The following KLHDC4 variants were observed in gnomAD, a reference collection of about 807,000 sequenced individuals.
The protein encoded by KLHDC4 is kelch domain-containing protein 4.
Under a neutral mutation model 62.4 loss-of-function variants are expected in KLHDC4, and 90 were observed. The ratio of observed to expected loss-of-function variants is 1.44; its 90% confidence interval spans 1.22 to 1.72. The LOEUF (loss-of-function observed/expected upper bound fraction) is 1.72. Ranked by LOEUF, KLHDC4 falls within the 40% of genes most tolerant of loss-of-function variation. The pLI is 0.00. For missense variants in KLHDC4, 1,025 were observed against 699.7 expected (o/e 1.47, Z -5.25); for synonymous variants, 386 against 284.4 (o/e 1.36, Z -3.59).
At chr16:87,727,588 C>A (rs2039596070) in intron 6 of KLHDC4, among the ~76,000 whole-genome samples, 1 of 152,190 alleles carries the variant, frequency 6.6e-6, no homozygotes. Flanking sequence ...CCTGCCGGAC[C>A]CAGCACGCAG....
At chr16:87,709,820 G>T in intron 9 of KLHDC4, 153 bp from the exon 10 acceptor site, 1 of 870,886 alleles carries the variant, frequency 1.1e-6, no homozygotes, top group Non-Finnish European at 1.7e-6. Flanking sequence ...ACTGCCCTGG[G>T]TGCAGGCACT....
intron 5 of KLHDC4, among the ~76,000 whole-genome samples, chr16:87,735,262 T>C (rs1421232158): frequency 3.5e-5 from 5 of 144,146 alleles, no homozygotes; most frequent in South Asian, 2.2e-4. Context: ...ATCGCACCAC[T>C]GCACTCCAGC....
At chr16:87,754,224 T>A (rs2044497364) in intron 4 of KLHDC4, among the ~76,000 whole-genome samples, 1 of 152,118 alleles carries the variant, frequency 6.6e-6, no homozygotes, top group Admixed American at 6.6e-5. Context: ...GGGGTGCCTG[T>A]AATCCCAGTT....
At chr16:87,713,749 G>A (rs768387936) in intron 8 of KLHDC4, among the ~76,000 whole-genome samples, 1 of 152,200 alleles carries the variant, frequency 6.6e-6, no homozygotes, top group African/African-American at 2.4e-5. Flanking sequence ...GGCCCTCTGG[G>A]TGCCAGAGCC....
At chr16:87,755,587 G>C (rs1597376641) in intron 3 of KLHDC4, 1 of 252,756 alleles carries the variant, frequency 4.0e-6, no homozygotes, top group South Asian at 4.6e-5. Context: ...TGTTTTGTTT[G>C]AGATGAAGTC....
chr16:87,726,783 A>G lies in KLHDC4; in HGVS notation c.741T>C (p.Tyr247=), dbSNP rs1331343889. The G allele has an allele frequency of 1.3e-6, 2 of 1,487,962 alleles. No homozygotes were observed. The highest frequency in any genetic ancestry group is 1.8e-6 in the Non-Finnish European group (2 of 1,113,010). 92.2% of individuals were successfully genotyped at this position (1,487,962 alleles called of 1,614,324 possible). ...GCCTTACCTGTTTCGAGTAGCCCCCATAGACGACGATGCCGCCCTGGGGAG... is the reference window on the plus strand; with the variant it reads ...GCCTTACCTGTTTCGAGTAGCCCCCGTAGACGACGATGCCGCCCTGGGGAG... ...SVTPQGGIVV[Y]GGYSKQRVKK... is the part of the protein sequence containing the mutation. The change falls in exon 7 of 12, where the codon TAT becomes TAC. Residue 247 remains tyrosine (Y), a synonymous_variant. Coordinates refer to ENST00000270583, the MANE Select transcript of KLHDC4 (RefSeq NM_017566.4).
intron 5 of KLHDC4, among the ~76,000 whole-genome samples, chr16:87,742,448 C>A (rs1354019969): frequency 2.0e-5 from 3 of 152,208 alleles, no homozygotes; most frequent in Non-Finnish European, 4.4e-5. Flanking sequence ...ATTCTTACTT[C>A]TTTTAAGCAG....
intron 5 of KLHDC4, among the ~76,000 whole-genome samples, chr16:87,733,365 G>A (rs1025839326): frequency 2.6e-5 from 4 of 152,236 alleles, no homozygotes; most frequent in African/African-American, 4.8e-5. Context: ...CAGAAAGCTC[G>A]CAGAGGTGCT....
At chr16:87,702,769 T>A (rs2034210218), upstream of KLHDC4, among the ~76,000 whole-genome samples, 1 of 152,228 alleles carries the variant, frequency 6.6e-6, no homozygotes, top group African/African-American at 2.4e-5. Flanking sequence ...TTAACCTGTG[T>A]TTCCTTCCAA....
intron 7 of KLHDC4, among the ~76,000 whole-genome samples, chr16:87,725,058 A>G (rs2039099288): frequency 6.6e-6 from 1 of 150,894 alleles, no homozygotes; most frequent in Non-Finnish European, 1.5e-5. Flanking sequence ...GTGGGTCTGA[A>G]AAGCTGAGGG....
chr16:87,752,089 CAAAA>C (rs1173625123), intron 4 of KLHDC4, among the ~76,000 whole-genome samples: 7 of 29,468 alleles, frequency 2.4e-4, no homozygotes, highest in African/African-American at 5.1e-4. Context: ...GACTTTGTCT[CAAAA>C]AAAAAAAAAA....
rs887572408 is a variant in KLHDC4 at position 87,765,694 on chromosome 16, G to A, written c.99+98C>T. The A allele has an allele frequency of 4.2e-5, 50 of 1,193,024 alleles. No homozygotes were observed. In the African/African-American group the frequency reaches 7.3e-4, roughly 17 times the overall value. 73.9% of individuals were successfully genotyped at this position (1,193,024 alleles called of 1,614,324 possible). ...CCAGCTCTCCCGCAGGGCCGGCGCGGCTCCCACGGCCGACCCGTAACCCCG... is the reference window on the plus strand; with the variant it reads ...CCAGCTCTCCCGCAGGGCCGGCGCGACTCCCACGGCCGACCCGTAACCCCG... On this transcript the variant is annotated intron_variant, in intron 1 of 11. Coordinates refer to ENST00000270583, the MANE Select transcript of KLHDC4 (RefSeq NM_017566.4).
Position 87,709,470 on chromosome 16 carries a change from C to G in KLHDC4, c.1242G>C (p.Glu414Asp), listed in dbSNP as rs1597375053. 1 of 1,611,658 alleles carries G rather than the reference C, an allele frequency of 6.2e-7. No individual in the cohort carries two copies. The highest frequency in any genetic ancestry group is 2.2e-5 in the East Asian group (1 of 44,876). The change falls in exon 10 of 12, where the codon GAG (glutamate) becomes GAC (aspartate). Residue 414 changes from glutamate to aspartate, a missense_variant. Glu to Asp is a conservative substitution (Grantham distance 45, BLOSUM62 2). Transcript: ENST00000270583. ...APGSAGQPRSEDEDSLEEAGS... is the reference protein window; with the variant it reads ...APGSAGQPRSDDEDSLEEAGS... ...CGGCCTCCTCAAGGCTGTCTTCGTC[C>G]TCAGACCGGGGCTGCCCCGCCGAGC...
intron 7 of KLHDC4, among the ~76,000 whole-genome samples, chr16:87,723,268 C>T (rs2038764194): frequency 6.6e-6 from 1 of 152,254 alleles, no homozygotes; most frequent in African/African-American, 2.4e-5. Flanking sequence ...TCTCATGAAT[C>T]CAAACAGACA....
intron 6 of KLHDC4, among the ~76,000 whole-genome samples, chr16:87,728,742 A>C (rs2039818711): frequency 6.6e-6 from 1 of 152,080 alleles, no homozygotes; most frequent in Admixed American, 6.5e-5. Flanking sequence ...GCACTTTGGG[A>C]GGCCGAGGCA....
At chr16:87,764,846 AAAAAG>A (rs200936088) in intron 1 of KLHDC4, among the ~76,000 whole-genome samples, 2,217 of 150,284 alleles carry the variant, frequency 0.015, 61 homozygotes, top group African/African-American at 0.051. Context: ...AAAAAAAAAA[AAAAAG>A]AAAGAGCCTA....
chr16:87,699,306 G>C (rs533933251), exon 1 of KLHDC4: 46 of 152,346 alleles, frequency 3.0e-4, no homozygotes, highest in African/African-American at 1.1e-3. Context: ...CATTCTTTTG[G>C]ATCTAGAACC....
chr16:87,748,538 C>G, intron 5 of KLHDC4, 135 bp downstream of exon 5: 1 of 1,140,604 alleles, frequency 8.8e-7, no homozygotes, highest in Non-Finnish European at 1.3e-6. Context: ...CAGGACCCAG[C>G]GAGGCTGGGC....
downstream of KLHDC4, among the ~76,000 whole-genome samples, chr16:87,703,921 T>A (rs1270316435): frequency 3.9e-5 from 6 of 152,228 alleles, no homozygotes; most frequent in African/African-American, 1.4e-4. Flanking sequence ...ATCTGGGCTA[T>A]GAAAACGAGA....
Sources: allele counts gnomAD v4.1 joint callset (sites outside exome capture counted in the v4.1 genomes callset), GRCh38; gene constraint gnomAD v4.1.1; transcripts MANE v1.5; gene names NCBI Gene and HGNC (gene_info 2026-07-23, HGNC 2026-07-21).